REELD1: variants seen among roughly 807,000 people sequenced by gnomAD.
The protein encoded by REELD1 is reelin domain-containing protein 1.
Under a neutral mutation model 6.3 loss-of-function variants are expected in REELD1, and 12 were observed. The observed-to-expected ratio is 1.89, with a 90% CI of 1.21 to 3.07. The LOEUF is 3.07. Ranked by LOEUF, REELD1 falls within the 30% of genes most tolerant of loss-of-function variation. The pLI, the probability that REELD1 is intolerant of heterozygous loss-of-function variation, is 0.00. For synonymous variants in REELD1, 57 were observed against 33.6 expected (o/e 1.70, Z -2.42); for missense variants, 163 against 86.8 (o/e 1.88, Z -3.49).
intron 6 of REELD1, 84 bp downstream of exon 6, chr4:146,228,606 A>G: frequency 1.6e-6 from 1 of 610,122 alleles, no homozygotes; most frequent in Non-Finnish European, 2.9e-6. Context: ...CTGACAAAAA[A>G]GATCTCAGCC....
chr4:146,228,324 C>T lies in REELD1; in HGVS notation c.710C>T (p.Thr237Ile). The T allele has an allele frequency of 2.8e-6, 2 of 702,534 alleles. No homozygotes were observed. The highest frequency in any genetic ancestry group is 5.2e-6 in the Non-Finnish European group (2 of 384,998). 43.5% of individuals were successfully genotyped at this position (702,534 alleles called of 1,614,324 possible). A position where few individuals can be genotyped will look rare whatever the true frequency, so the allele number is the denominator to read the frequency against. ...CCTGTTCCTGCCAGTATTTGGGTGA[C>T]AAAGTTTCCTGGGGATGCAGAGACT... The part of the protein sequence containing the change: ...LDPVPASIWV[T>I]KFPGDAETLS... The change falls in exon 6 of 8, where the codon ACA (threonine) becomes ATA (isoleucine). Residue 237 changes from threonine to isoleucine, a missense_variant. Transcript: ENST00000623665.
chr4:146,228,183 C>A, intron 5 of REELD1, 27 bp from the exon 6 acceptor site: 1 of 691,956 alleles, frequency 1.4e-6, no homozygotes, highest in Non-Finnish European at 2.6e-6. Context: ...CTCACTCACT[C>A]TGCGCTGTCT....
At chr4:146,228,008 T>A (rs920990008) in intron 5 of REELD1, among the ~76,000 whole-genome samples, 2 of 152,146 alleles carry the variant, frequency 1.3e-5, no homozygotes, top group African/African-American at 4.8e-5. Context: ...TCTAAAAAGA[T>A]ATAAGCCCTT....
rs7669369 is a variant in REELD1 at position 146,222,566 on chromosome 4, G to T, written c.418G>T (p.Asp140Tyr). The change falls in exon 4 of 8, where the codon GAC becomes TAC. Residue 140 changes from aspartate to tyrosine, a missense_variant. Transcript: ENST00000623665. ...VWKAPAQPVGDIKFLLSVVQS... is the reference protein window; with the variant it reads ...VWKAPAQPVGYIKFLLSVVQS... ...GAAGGCCCCAGCCCAGCCTGTGGGG[G>T]ACATTAAGTTCCTGTAAGAGAGTGA... 2.5e-6 allele frequency: 1 copy of T among 398,604 alleles called. No individual in the cohort carries two copies. Among genetic ancestry groups the T allele is most frequent in the Non-Finnish European group, 4.4e-6 (1 of 226,084 alleles). 24.7% of individuals were successfully genotyped at this position (398,604 alleles called of 1,614,324 possible). A position where few individuals can be genotyped will look rare whatever the true frequency, so the allele number is the denominator to read the frequency against.
At chr4:146,223,095 A>C (rs1190071098) in intron 4 of REELD1, among the ~76,000 whole-genome samples, 2 of 152,212 alleles carry the variant, frequency 1.3e-5, no homozygotes, top group African/African-American at 4.8e-5. Context: ...AACAGTAAGC[A>C]CTTTAAAAGC....
chr4:146,222,222 A>G (rs368023793), intron 3 of REELD1, 135 bp from the exon 4 acceptor site: 4 of 397,216 alleles, frequency 1.0e-5, no homozygotes, highest in Admixed American at 4.4e-5. Flanking sequence ...TAGGACTTCA[A>G]CTTTACCCCC....
chr4:146,216,932 C>G lies in REELD1; in HGVS notation c.-11-10C>G. 2.5e-6 allele frequency: 1 copy of G among 398,504 alleles called. No individual in the cohort carries two copies. Among genetic ancestry groups the G allele is most frequent in the African/African-American group, 2.1e-5 (1 of 48,722 alleles). 24.7% of individuals were successfully genotyped at this position (398,504 alleles called of 1,614,324 possible). On this transcript the variant is annotated splice_polypyrimidine_tract_variant and intron_variant, in intron 2 of 7. Coordinates refer to ENST00000623665, the MANE Select transcript of REELD1 (RefSeq NM_001354631.1). ...CGTCTGGACTGAAGCTGCTGTTTGT[C>G]ATGATACAGGAGAGGGCAGGATGAG...
At position 146,217,020 on chromosome 4, in the gene REELD1, C is replaced by T; in HGVS notation, c.68C>T (p.Ala23Val). 1 of 398,930 alleles carries T rather than the reference C, an allele frequency of 2.5e-6. No homozygotes were observed. Among genetic ancestry groups the T allele is most frequent in the East Asian group, 3.6e-5 (1 of 28,078 alleles). 24.7% of individuals were successfully genotyped at this position (398,930 alleles called of 1,614,324 possible). A position where few individuals can be genotyped will look rare whatever the true frequency, so the allele number is the denominator to read the frequency against. The change falls in exon 3 of 8, where the codon GCC becomes GTC. Residue 23 changes from alanine (A) to valine (V), a missense_variant. Physicochemically the swap from Ala to Val is moderately conservative, Grantham distance 64 (BLOSUM62 0). Coordinates refer to ENST00000623665, the MANE Select transcript of REELD1 (RefSeq NM_001354631.1). The part of the protein sequence containing the change: ...TTLCLASCSS[A>V]FSHGASTVAC... ...CTCTGCCTGGCTTCCTGCTCATCTGCCTTTTCCCATGGTGCCAGCACGGTG... is the reference window on the plus strand; with the variant it reads ...CTCTGCCTGGCTTCCTGCTCATCTGTCTTTTCCCATGGTGCCAGCACGGTG...
chr4:146,217,657 C>T (rs1283637499), intron 3 of REELD1, among the ~76,000 whole-genome samples: 3 of 152,122 alleles, frequency 2.0e-5, no homozygotes, highest in African/African-American at 4.8e-5. Context: ...TAAGAAGACA[C>T]AAATATTATT....
At chr4:146,215,909 C>T (rs1028404997) in intron 2 of REELD1, among the ~76,000 whole-genome samples, 1 of 152,076 alleles carries the variant, frequency 6.6e-6, no homozygotes. Flanking sequence ...TGCCACCACA[C>T]CCAGCTAATT....
At chr4:146,220,400 T>C (rs1265918737) in intron 3 of REELD1, among the ~76,000 whole-genome samples, 1 of 152,252 alleles carries the variant, frequency 6.6e-6, no homozygotes, top group East Asian at 1.9e-4. Flanking sequence ...TTGCTCACTG[T>C]ATGCATCAAG....
chr4:146,229,792 G>T, intron 7 of REELD1, 113 bp from the exon 8 acceptor site: 1 of 397,296 alleles, frequency 2.5e-6, no homozygotes, highest in East Asian at 3.6e-5. Flanking sequence ...AAGAGACTGG[G>T]TTTTTAGCTG....
intron 6 of REELD1, 50 bp downstream of exon 6, chr4:146,228,572 A>G: frequency 1.5e-6 from 1 of 650,928 alleles, no homozygotes; most frequent in Non-Finnish European, 2.8e-6. Context: ...ACTAGGATGA[A>G]CACTGGAGTG....
intron 7 of REELD1, 41 bp from the exon 8 acceptor site, chr4:146,229,864 A>G (rs1261205088): frequency 7.5e-6 from 3 of 398,452 alleles, no homozygotes; most frequent in Non-Finnish European, 1.3e-5. Flanking sequence ...CTTAGGAGGA[A>G]GACCAGTACC....
At chr4:146,218,210 G>T (rs1338067362) in intron 3 of REELD1, among the ~76,000 whole-genome samples, 2 of 152,230 alleles carry the variant, frequency 1.3e-5, no homozygotes, top group Non-Finnish European at 1.5e-5. Flanking sequence ...TCAGGAAGAT[G>T]CAGGGGCAGG....
intron 5 of REELD1, among the ~76,000 whole-genome samples, chr4:146,227,726 T>C (rs1731049574): frequency 6.6e-6 from 1 of 152,150 alleles, no homozygotes; most frequent in Admixed American, 6.5e-5. Flanking sequence ...GGAAATTAGA[T>C]GGTGGAGGGC....
chr4:146,220,609 GCA>G, intron 3 of REELD1, among the ~76,000 whole-genome samples: 2 of 152,250 alleles, frequency 1.3e-5, no homozygotes, highest in Middle Eastern at 3.4e-3. Context: ...CTTTGACATC[GCA>G]CAGTTTCAGG....
At chr4:146,229,176 A>G (rs1731082010) in intron 7 of REELD1, 88 bp downstream of exon 7, 1 of 665,704 alleles carries the variant, frequency 1.5e-6, no homozygotes, top group African/African-American at 1.8e-5. Flanking sequence ...GAGCTATTAG[A>G]CTAGTAGCCA....
chr4:146,222,774 T>A (rs1049835009), intron 4 of REELD1, among the ~76,000 whole-genome samples, 195 bp downstream of exon 4: 1 of 152,098 alleles, frequency 6.6e-6, no homozygotes, highest in African/African-American at 2.4e-5. Context: ...GCCCCCAAAC[T>A]CATCCCTTCA....
Sources: allele counts gnomAD v4.1 joint callset (sites outside exome capture counted in the v4.1 genomes callset), GRCh38; gene constraint gnomAD v4.1.1; transcripts MANE v1.5; gene names NCBI Gene and HGNC (gene_info 2026-07-23, HGNC 2026-07-21).